The following FYB2 variants were observed in gnomAD, a reference collection of about 807,000 sequenced individuals.
The protein encoded by FYB2 is FYN binding protein 2, also known as FYN-binding protein 2.
In FYB2, 103 loss-of-function variants were observed where a neutral mutation model predicts 94.1. The ratio of observed to expected loss-of-function variants is 1.09; its 90% confidence interval spans 0.93 to 1.29. FYB2 has a LOEUF of 1.29. Ranked by LOEUF, FYB2 falls within the 50% of genes most tolerant of loss-of-function variation. The probability of loss-of-function intolerance (pLI) is 0.00; values close to 1 mark genes in which losing one functional copy is unlikely to be tolerated. For synonymous variants in FYB2, 293 were observed against 287.9 expected, an observed-to-expected ratio of 1.02 and a Z score of -0.18; for missense variants, 896 against 841.5, an observed-to-expected ratio of 1.06 and a Z score of -0.80.
At chr1:56,753,786 C>G in intron 8 of FYB2, 53 bp downstream of exon 8, 3 of 1,286,598 alleles carry the variant, frequency 2.3e-6, no homozygotes, top group Non-Finnish European at 3.4e-6. Flanking sequence ...AAGTCACCCC[C>G]ATGAACTGAT....
intron 1 of FYB2, among the ~76,000 whole-genome samples, chr1:56,817,477 T>C (rs2101120609): frequency 6.6e-6 from 1 of 152,310 alleles, no homozygotes; most frequent in South Asian, 2.1e-4. Flanking sequence ...TGTATCTACA[T>C]TGCAGTTACT....
intron 9 of FYB2, among the ~76,000 whole-genome samples, chr1:56,750,043 T>C (rs944544164): frequency 1.3e-5 from 2 of 152,118 alleles, no homozygotes; most frequent in Non-Finnish European, 2.9e-5. Flanking sequence ...ATTGGGTTTC[T>C]CCTGTGTGCT....
intron 4 of FYB2, among the ~76,000 whole-genome samples, chr1:56,768,432 G>A (rs1304850563): frequency 1.3e-5 from 2 of 152,098 alleles, no homozygotes; most frequent in Non-Finnish European, 2.9e-5. Flanking sequence ...AAACGTATCC[G>A]TCCACTCTCC....
chr1:56,725,498 T>C (rs1644566959), intron 16 of FYB2, among the ~76,000 whole-genome samples: 2 of 152,054 alleles, frequency 1.3e-5, no homozygotes, highest in Non-Finnish European at 2.9e-5. Flanking sequence ...AGAAGACTTA[T>C]TTGTAGTTAT....
At chr1:56,721,956 A>G (rs1265178944) in intron 17 of FYB2, among the ~76,000 whole-genome samples, 3 of 152,070 alleles carry the variant, frequency 2.0e-5, no homozygotes, top group Non-Finnish European at 4.4e-5. Context: ...TTTGAGCTGG[A>G]CAAAAATTAT....
chr1:56,794,014 A>G (rs550745333), intron 1 of FYB2, among the ~76,000 whole-genome samples: 123 of 152,334 alleles, frequency 8.1e-4, no homozygotes, highest in African/African-American at 3.0e-3. Flanking sequence ...TAGGGCCATT[A>G]TAAGTGAAAT....
chr1:56,751,302 A>C, intron 8 of FYB2, 99 bp from the exon 9 acceptor site: 1 of 1,210,330 alleles, frequency 8.3e-7, no homozygotes, highest in Non-Finnish European at 1.1e-6. Context: ...CATGGATAAC[A>C]ATTATTTATC....
chr1:56,793,759 A>T (rs1646331000), intron 1 of FYB2, among the ~76,000 whole-genome samples: 1 of 112,910 alleles, frequency 8.9e-6, no homozygotes, highest in Non-Finnish European at 1.9e-5. Flanking sequence ...AAAAAAAAAA[A>T]AGCTTTCACC....
chr1:56,783,487 T>C (rs1646055707), intron 4 of FYB2, among the ~76,000 whole-genome samples: 3 of 152,192 alleles, frequency 2.0e-5, no homozygotes, highest in Non-Finnish European at 2.9e-5. Flanking sequence ...TCCTGTTTTA[T>C]ACATTATGGT....
intron 2 of FYB2, among the ~76,000 whole-genome samples, chr1:56,791,331 C>CAGAGG (rs1646260055): frequency 6.6e-6 from 1 of 151,554 alleles, no homozygotes; most frequent in Non-Finnish European, 1.5e-5. Context: ...TTTTGGCTCA[C>CAGAGG]TACAACCTCT....
intron 3 of FYB2, chr1:56,788,728 G>C (rs1381510638): frequency 1.9e-6 from 1 of 522,298 alleles, no homozygotes; most frequent in Non-Finnish European, 3.4e-6. Flanking sequence ...CTTCCTCTTG[G>C]ACAGATTCCC....
At chr1:56,798,564 A>G (rs1479928905) in intron 1 of FYB2, among the ~76,000 whole-genome samples, 1 of 152,180 alleles carries the variant, frequency 6.6e-6, no homozygotes, top group East Asian at 1.9e-4. Flanking sequence ...TATTTAGATG[A>G]ATGTATTTCA....
At chr1:56,731,931 T>C (rs1235348419) in intron 15 of FYB2, 1 of 152,080 alleles carries the variant, frequency 6.6e-6, no homozygotes, top group East Asian at 1.9e-4. Flanking sequence ...GAATAAGACA[T>C]GGATGCCCAC....
intron 6 of FYB2, among the ~76,000 whole-genome samples, chr1:56,756,185 G>T (rs1263915212): frequency 6.6e-6 from 1 of 152,122 alleles, no homozygotes; most frequent in Non-Finnish European, 1.5e-5. Context: ...AAAAATTGTT[G>T]TATGCACACC....
chr1:56,727,467 A>T (rs200336200), intron 15 of FYB2, among the ~76,000 whole-genome samples: 1 of 152,108 alleles, frequency 6.6e-6, no homozygotes, highest in Non-Finnish European at 1.5e-5. Context: ...GAATGGATAA[A>T]TGAATTATGG....
intron 8 of FYB2, among the ~76,000 whole-genome samples, chr1:56,753,587 G>C (rs1316137312): frequency 6.6e-6 from 1 of 152,124 alleles, no homozygotes; most frequent in Non-Finnish European, 1.5e-5. Flanking sequence ...CTTATAGTTT[G>C]CACCCTGGGT....
chr1:56,768,748 G>A (rs1475952069), intron 4 of FYB2, among the ~76,000 whole-genome samples: 1 of 152,120 alleles, frequency 6.6e-6, no homozygotes, highest in Non-Finnish European at 1.5e-5. Context: ...ACAAGGAGAT[G>A]AGCTGCAGTA....
chr1:56,816,797 T>C (rs1646891977), intron 1 of FYB2, among the ~76,000 whole-genome samples: 1 of 152,216 alleles, frequency 6.6e-6, no homozygotes, highest in African/African-American at 2.4e-5. Flanking sequence ...TTAAGTCATC[T>C]TGGTAAACCT....
intron 4 of FYB2, among the ~76,000 whole-genome samples, chr1:56,777,233 C>CAAAAACAAAA (rs1645897734): frequency 1.0e-5 from 1 of 99,520 alleles, no homozygotes; most frequent in Non-Finnish European, 2.4e-5. Context: ...GACTCCGTCT[C>CAAAAACAAAA]AAAAACAAAA....
Sources: allele counts gnomAD v4.1 joint callset (sites outside exome capture counted in the v4.1 genomes callset), GRCh38; gene constraint gnomAD v4.1.1; transcripts MANE v1.5; gene names NCBI Gene and HGNC (gene_info 2026-07-23, HGNC 2026-07-21).